The following ASIC2 variants were observed in gnomAD, a reference collection of about 807,000 sequenced individuals.
ASIC2 encodes acid sensing ion channel subunit 2.
A neutral mutation model predicts 57.3 loss-of-function variants in ASIC2; 25 were observed. The observed-to-expected ratio is 0.44, with a 90% CI of 0.32 to 0.61. The LOEUF (loss-of-function observed/expected upper bound fraction) is 0.61. Ranked by LOEUF, ASIC2 falls within the 20% of genes least tolerant of loss-of-function variation. The pLI is 0.06. For missense variants in ASIC2, 641 were observed against 738.1 expected (o/e 0.87, Z 1.52); for synonymous variants, 319 against 307.5 (o/e 1.04, Z -0.39).
intron 1 of ASIC2, among the ~76,000 whole-genome samples, chr17:33,455,630 A>G (rs144056690): frequency 6.6e-6 from 1 of 152,330 alleles, no homozygotes; most frequent in Non-Finnish European, 1.5e-5. Flanking sequence ...TAGATATGTT[A>G]TCAGCACTGC....
chr17:33,503,357 C>A (rs1011352329), intron 1 of ASIC2, among the ~76,000 whole-genome samples: 1 of 152,158 alleles, frequency 6.6e-6, no homozygotes, highest in East Asian at 1.9e-4. Context: ...GTCCCACCCC[C>A]CTTGCAAGAA....
chr17:33,871,836 A>T (rs1914420114), intron 1 of ASIC2, among the ~76,000 whole-genome samples: 1 of 152,088 alleles, frequency 6.6e-6, no homozygotes, highest in Admixed American at 6.5e-5. Flanking sequence ...CTGGGCGCTG[A>T]GTCATGGCAA....
At chr17:34,140,100 T>C (rs1455394309) in intron 1 of ASIC2, among the ~76,000 whole-genome samples, 2 of 152,066 alleles carry the variant, frequency 1.3e-5, no homozygotes, top group African/African-American at 4.8e-5. Flanking sequence ...AATTTGAATA[T>C]GAATGAAGGG....
intron 1 of ASIC2, among the ~76,000 whole-genome samples, chr17:34,126,416 A>T (rs1911782375): frequency 6.6e-6 from 1 of 152,120 alleles, no homozygotes; most frequent in African/African-American, 2.4e-5. Context: ...CAGAGGTGAG[A>T]TCTATGCCTG....
chr17:33,180,065 C>T (rs1905917261), intron 1 of ASIC2, among the ~76,000 whole-genome samples: 1 of 152,176 alleles, frequency 6.6e-6, no homozygotes, highest in East Asian at 1.9e-4. Flanking sequence ...AGAAACCTAA[C>T]CTCCCCTCAA....
intron 1 of ASIC2, among the ~76,000 whole-genome samples, chr17:33,906,566 A>G (rs1471751797): frequency 1.3e-5 from 2 of 152,226 alleles, no homozygotes; most frequent in African/African-American, 4.8e-5. Context: ...AGGTGGAATC[A>G]CAAGAGCCCT....
intron 1 of ASIC2, among the ~76,000 whole-genome samples, chr17:33,443,154 A>G (rs1183558998): frequency 6.6e-6 from 1 of 152,202 alleles, no homozygotes; most frequent in East Asian, 1.9e-4. Flanking sequence ...TGATGAATTC[A>G]GTTTGCTAAT....
chr17:34,078,742 GCGGTCTCTGGGCTCTTCTTT>G (rs1453560525), intron 1 of ASIC2, among the ~76,000 whole-genome samples: 1 of 152,126 alleles, frequency 6.6e-6, no homozygotes, highest in Non-Finnish European at 1.5e-5. Flanking sequence ...TTTCCCAGGG[GCGGTCTCTGGGCTCTTCTTT>G]CTGTGGCCAA....
At chr17:34,010,983 C>CACACACAGACACAGACACAG (rs1597972600) in intron 1 of ASIC2, among the ~76,000 whole-genome samples, 2 of 2,078 alleles carry the variant, frequency 9.6e-4, no homozygotes, top group East Asian at 9.8e-3. Context: ...CGCACACACA[C>CACACACAGACACAGACACAG]ATACCTCTAG....
intron 1 of ASIC2, among the ~76,000 whole-genome samples, chr17:33,574,553 C>G (rs963858569): frequency 6.6e-6 from 1 of 152,186 alleles, no homozygotes; most frequent in African/African-American, 2.4e-5. Flanking sequence ...ATGACAGTAG[C>G]AAATTCTCTC....
chr17:33,377,260 A>G lies in ASIC2; in HGVS notation c.556-265193T>C, dbSNP rs556578602. On this transcript the variant is annotated intron_variant, in intron 1 of 9. Coordinates refer to the ASIC2 transcript ENST00000359872. ...GAGATGGGGTTTCACCATGTTTGCC[A>G]GACTAGTCTCAAACTCCTGACCTCA... Among the ~76,000 whole-genome samples the G allele has an allele frequency of 2.3e-4, 35 of 152,292 alleles. No homozygotes were observed. In the South Asian group the frequency reaches 6.8e-3, roughly 30 times the overall value.
chr17:33,017,459 A>T (rs1296999924), intron 8 of ASIC2, 146 bp downstream of exon 8: 1 of 656,056 alleles, frequency 1.5e-6, no homozygotes, highest in Non-Finnish European at 2.5e-6. Flanking sequence ...CCTGGGCTTC[A>T]GTGATCGACT....
chr17:33,367,055 A>G (rs911910664), intron 1 of ASIC2, among the ~76,000 whole-genome samples: 1 of 152,240 alleles, frequency 6.6e-6, no homozygotes, highest in Non-Finnish European at 1.5e-5. Context: ...AAGGGTGTGT[A>G]CCAGGCCCTG....
intron 1 of ASIC2, among the ~76,000 whole-genome samples, chr17:33,768,690 A>G (rs546400267): frequency 6.2e-4 from 95 of 152,240 alleles, no homozygotes; most frequent in Non-Finnish European, 1.1e-3. Flanking sequence ...TATTCGCCTG[A>G]TCTCTCCTGA....
At chr17:33,889,828 A>T (rs1425187983) in intron 1 of ASIC2, among the ~76,000 whole-genome samples, 1 of 152,234 alleles carries the variant, frequency 6.6e-6, no homozygotes, top group Non-Finnish European at 1.5e-5. Context: ...GACCCTGAGG[A>T]TGCAAAAGTC....
At chr17:34,038,453 T>C in intron 1 of ASIC2, 10 of 1,612,326 alleles carry the variant, frequency 6.2e-6, no homozygotes, top group Non-Finnish European at 8.5e-6. Flanking sequence ...CCAGTTTTTA[T>C]TTAACTGGTG....
At chr17:33,406,630 G>T (rs1910485617) in intron 1 of ASIC2, among the ~76,000 whole-genome samples, 1 of 152,186 alleles carries the variant, frequency 6.6e-6, no homozygotes, top group African/African-American at 2.4e-5. Flanking sequence ...CTGCCATGAG[G>T]ATTAAATAGA....
chr17:33,189,366 A>G (rs184726293), intron 1 of ASIC2, among the ~76,000 whole-genome samples: 8 of 152,352 alleles, frequency 5.3e-5, no homozygotes, highest in Admixed American at 2.0e-4. Flanking sequence ...ATCATAAAAA[A>G]TAGTTCATTA....
intron 1 of ASIC2, among the ~76,000 whole-genome samples, chr17:33,356,534 T>C (rs1165636431): frequency 6.6e-6 from 1 of 152,068 alleles, no homozygotes; most frequent in Non-Finnish European, 1.5e-5. Flanking sequence ...CACTGGCTGG[T>C]CTCCACCATA....
Sources: allele counts gnomAD v4.1 joint callset (sites outside exome capture counted in the v4.1 genomes callset), GRCh38; gene constraint gnomAD v4.1.1; transcripts MANE v1.5; gene names NCBI Gene and HGNC (gene_info 2026-07-23, HGNC 2026-07-21).